The following PTPN18 variants were observed in gnomAD, a reference collection of about 807,000 sequenced individuals.
PTPN18 encodes tyrosine-protein phosphatase non-receptor type 18.
PTPN18 carries 65 observed loss-of-function variants against 65.4 expected under a neutral mutation model. The ratio of observed to expected loss-of-function variants is 0.99; its 90% CI spans 0.81 to 1.22. The LOEUF (loss-of-function observed/expected upper bound fraction) is 1.22, where lower values mean the gene tolerates loss of function less well. Among genes scored for constraint, PTPN18 ranks in the 50% most tolerant of loss-of-function variants. The probability of loss-of-function intolerance (pLI) is 0.00; values close to 1 mark genes in which losing one functional copy is unlikely to be tolerated. For synonymous variants in PTPN18, 255 were observed against 267.8 expected (o/e 0.95, Z 0.47); for missense variants, 616 against 646.5 (o/e 0.95, Z 0.51).
intron 5 of PTPN18, chr2:130,362,090 C>A: frequency 2.1e-6 from 1 of 468,712 alleles, no homozygotes; most frequent in Non-Finnish European, 4.4e-6. Flanking sequence ...AGCGCAGCCT[C>A]CCTGAGGAGT....
chr2:130,357,581 G>T (rs1272785936), intron 1 of PTPN18, among the ~76,000 whole-genome samples: 3 of 152,194 alleles, frequency 2.0e-5, no homozygotes, highest in African/African-American at 7.2e-5. Flanking sequence ...AGATGGCCGG[G>T]CACGGTGGCT....
intron 5 of PTPN18, 183 bp from the exon 6 acceptor site, chr2:130,368,950 C>T (rs1680467208): frequency 1.6e-5 from 9 of 571,344 alleles, no homozygotes; most frequent in Middle Eastern, 4.9e-4. Context: ...CAGCAGCGCA[C>T]CTCCATTGAG....
In PTPN18 at chr2:130,356,703, C is replaced by G. The variant is rs957916239; in HGVS notation, c.93+503C>G. On this transcript the variant is annotated intron_variant, in intron 1 of 14. Coordinates refer to ENST00000175756, the MANE Select transcript of PTPN18 (RefSeq NM_014369.4). ...CGCGTCCGGGCCCGAATCCGCTTCC[C>G]GTCCCGAATCCGCGTCCCGGCCATC... 2.7e-4 allele frequency: 122 copies of G among 446,762 alleles called. 1 individual carries two copies. Among genetic ancestry groups the G allele is most frequent in the South Asian group, 6.0e-4 (37 of 61,810 alleles). The allele number at this position is 446,762 out of a possible 1,614,324, so 27.7% of individuals were successfully genotyped here.
chr2:130,359,363 G>A (rs1163426372), intron 3 of PTPN18, 34 bp from the exon 4 acceptor site: 11 of 1,613,992 alleles, frequency 6.8e-6, no homozygotes, highest in East Asian at 2.2e-5. Context: ...GGGGTGGGCC[G>A]CAGAATCTCA....
At chr2:130,367,981 G>A (rs1379938418) in intron 5 of PTPN18, among the ~76,000 whole-genome samples, 2 of 151,514 alleles carry the variant, frequency 1.3e-5, no homozygotes, top group African/African-American at 4.9e-5. Context: ...ATATTGCTAT[G>A]TTTTCATGTC....
intron 5 of PTPN18, among the ~76,000 whole-genome samples, chr2:130,361,543 TTTCTTTC>T: frequency 6.8e-6 from 1 of 146,852 alleles, no homozygotes; most frequent in African/African-American, 2.6e-5. Flanking sequence ...TCTTTCTTTC[TTTCTTTC>T]TTTCTTTCTT....
intron 12 of PTPN18, chr2:130,371,893 A>G: frequency 4.2e-6 from 1 of 240,850 alleles, no homozygotes; most frequent in Non-Finnish European, 8.0e-6. Flanking sequence ...TGCTGCGGAC[A>G]TGGGATTGAG....
At chr2:130,358,176 G>A (rs1439307409) in intron 1 of PTPN18, among the ~76,000 whole-genome samples, 2 of 152,178 alleles carry the variant, frequency 1.3e-5, no homozygotes, top group Non-Finnish European at 2.9e-5. Flanking sequence ...CACTACACAA[G>A]GGCATCATGA....
chr2:130,360,037 G>GACATCCTTCCCTGTGGCTTGCTCT (rs1274559958), intron 5 of PTPN18: 1 of 216,180 alleles, frequency 4.6e-6, no homozygotes, highest in Admixed American at 5.2e-5. Context: ...TTCAGCCTAG[G>GACATCCTTCCCTGTGGCTTGCTCT]ACATCCTTCC....
intron 5 of PTPN18, among the ~76,000 whole-genome samples, chr2:130,360,836 C>CT (rs761633333): frequency 0.038 from 5,449 of 144,836 alleles, 314 homozygotes; most frequent in African/African-American, 0.13. Context: ...TCATTTTCCA[C>CT]TTTTTTTTTT....
In PTPN18 at chr2:130,374,992, TATC is replaced by T; in HGVS notation, c.*1771_*1773del. 4.4e-6 allele frequency: 1 copy of T among 228,142 alleles called. No homozygotes were observed. The highest frequency in any genetic ancestry group is 1.2e-4 in the East Asian group (1 of 8,478). 14.1% of individuals were successfully genotyped at this position (228,142 alleles called of 1,614,324 possible). On this transcript the variant is annotated 3_prime_UTR_variant, in exon 15 of 15. Coordinates refer to ENST00000175756, the MANE Select transcript of PTPN18 (RefSeq NM_014369.4). ...GTGCCCACAGTGGGAGCTGGTGTGA[TATC>T]ATACCTTCGCCGGCCGCCTTTCCTT... is the stretch of plus-strand genomic sequence containing the variant.
chr2:130,357,304 AC>A (rs1370929574), intron 1 of PTPN18, among the ~76,000 whole-genome samples: 1 of 152,248 alleles, frequency 6.6e-6, no homozygotes, highest in Non-Finnish European at 1.5e-5. Context: ...TAGGCACTGT[AC>A]ATTACAGTTG....
intron 5 of PTPN18, among the ~76,000 whole-genome samples, chr2:130,361,713 G>C (rs993913045): frequency 2.0e-5 from 3 of 151,776 alleles, no homozygotes; most frequent in South Asian, 4.2e-4. Context: ...TCAGCCTCTC[G>C]AGTAGCTGGG....
In PTPN18 at chr2:130,374,335, A is replaced by T. The variant is rs2104959946; in HGVS notation, c.*1111A>T. On this transcript the variant is annotated 3_prime_UTR_variant, in exon 15 of 15. Coordinates refer to ENST00000175756, the MANE Select transcript of PTPN18 (RefSeq NM_014369.4). ...CCGAGTAGCTGGGACTACAGGTCTA[A>T]TTTTTTTTTTTTTTAAGAAATGAGT... 4.3e-5 allele frequency: 9 copies of T among 210,102 alleles called. No individual in the cohort carries two copies. The highest frequency in any genetic ancestry group is 1.3e-4 in the South Asian group (2 of 15,478). 13.0% of individuals were successfully genotyped at this position (210,102 alleles called of 1,614,324 possible). A position where few individuals can be genotyped will look rare whatever the true frequency, so the allele number is the denominator to read the frequency against.
Position 130,359,495 on chromosome 2 carries a change from C to T in PTPN18, c.375+3C>T, listed in dbSNP as rs1483778703. 6.2e-6 allele frequency: 10 copies of T among 1,614,124 alleles called. No homozygotes were observed. In the Middle Eastern group the frequency reaches 4.9e-4, roughly 80 times the overall value. The stretch of plus-strand genomic sequence containing the variant: ...TGGTCTGGGAGTTTGGGGTCAAGGT[C>T]AGCACTTGGGGGTGCGGCACAATGG... On this transcript the variant is annotated splice_donor_region_variant and intron_variant, in intron 4 of 14. Coordinates refer to ENST00000175756, the MANE Select transcript of PTPN18 (RefSeq NM_014369.4).
In PTPN18 at chr2:130,372,842, A is replaced by G. The variant is rs199984486; in HGVS notation, c.1241-31A>G. 2.8e-4 allele frequency: 447 copies of G among 1,612,644 alleles called. No individual in the cohort carries two copies. In the African/African-American group the frequency reaches 5.6e-3, roughly 20 times the overall value. ...TCTTGGGACTCCCTGGGGCTTCCGGAGCTGACCCGTGGGGGGTCTGCTGCC... is the reference window on the plus strand; with the variant it reads ...TCTTGGGACTCCCTGGGGCTTCCGGGGCTGACCCGTGGGGGGTCTGCTGCC... On this transcript the variant is annotated intron_variant, in intron 13 of 14. Coordinates refer to ENST00000175756, the MANE Select transcript of PTPN18 (RefSeq NM_014369.4).
At chr2:130,372,155 T>G (rs1680585379) in intron 12 of PTPN18, 102 bp from the exon 13 acceptor site, 2 of 1,178,224 alleles carry the variant, frequency 1.7e-6, no homozygotes, top group Non-Finnish European at 2.4e-6. Flanking sequence ...GCGCACCGCC[T>G]CGGCGGGAAG....
At chr2:130,365,713 G>A (rs1205624931) in intron 5 of PTPN18, among the ~76,000 whole-genome samples, 1 of 152,154 alleles carries the variant, frequency 6.6e-6, no homozygotes, top group Non-Finnish European at 1.5e-5. Flanking sequence ...CTTACAGTTA[G>A]GTCTCAGATT....
intron 5 of PTPN18, among the ~76,000 whole-genome samples, chr2:130,367,050 ATTTTTTTTTTTTT>A (rs57039741): frequency 9.6e-5 from 10 of 104,202 alleles, no homozygotes; most frequent in Non-Finnish European, 1.7e-4. Flanking sequence ...GCTAATTTTA[ATTTTTTTTTTTTT>A]TTTTTTTTTT....
Sources: gnomAD v4.1 joint callset for allele counts (sites outside exome capture counted in the v4.1 genomes callset) on GRCh38, gnomAD v4.1.1 for gene constraint, MANE v1.5 for transcripts, NCBI Gene and HGNC (gene_info 2026-07-23, HGNC 2026-07-21) for gene names.